CXCL13: variants seen among roughly 807,000 people sequenced by gnomAD.
CXCL13 encodes C-X-C motif chemokine ligand 13.
Under a neutral mutation model 12.2 loss-of-function variants are expected in CXCL13, and 7 were observed. That is an observed-to-expected ratio of 0.57 (90% confidence interval 0.33 to 1.07). The LOEUF (loss-of-function observed/expected upper bound fraction) is 1.07. CXCL13 is among the 50% of genes least tolerant of loss of function. The pLI, the probability that CXCL13 is intolerant of heterozygous loss-of-function variation, is 0.04. For missense variants in CXCL13, 113 were observed against 127.4 expected, an observed-to-expected ratio of 0.89 and a Z score of 0.55; for synonymous variants, 47 against 42.4, an observed-to-expected ratio of 1.11 and a Z score of -0.42.
chr4:77,582,176 C>T (rs1174753951), intron 1 of CXCL13, among the ~76,000 whole-genome samples: 10 of 152,148 alleles, frequency 6.6e-5, no homozygotes, highest in Non-Finnish European at 1.5e-5. Flanking sequence ...TTTTGTAGAT[C>T]TCCCTCAAGG....
chr4:77,563,924 T>C (rs1353710226), intron 1 of CXCL13, among the ~76,000 whole-genome samples: 1 of 152,210 alleles, frequency 6.6e-6, no homozygotes, highest in Non-Finnish European at 1.5e-5. Context: ...TCTCATCCTG[T>C]CTGTGGCATA....
intron 1 of CXCL13, among the ~76,000 whole-genome samples, chr4:77,581,660 C>A (rs1726336332): frequency 6.6e-6 from 1 of 152,130 alleles, no homozygotes; most frequent in Non-Finnish European, 1.5e-5. Context: ...GTATTAGGTG[C>A]CATGTACCTT....
At chr4:77,536,042 C>T (rs951786997) in intron 1 of CXCL13, among the ~76,000 whole-genome samples, 5 of 152,208 alleles carry the variant, frequency 3.3e-5, no homozygotes, top group African/African-American at 4.8e-5. Flanking sequence ...AACCTCACTC[C>T]CCTCCCTCTC....
intron 1 of CXCL13, among the ~76,000 whole-genome samples, chr4:77,519,360 A>G (rs1724516663): frequency 6.6e-6 from 1 of 151,782 alleles, no homozygotes; most frequent in African/African-American, 2.4e-5. Context: ...CTTCTGCGTC[A>G]CTCACGCTGG....
intron 1 of CXCL13, among the ~76,000 whole-genome samples, chr4:77,599,344 C>T (rs1726841326): frequency 6.6e-6 from 1 of 152,006 alleles, no homozygotes; most frequent in Non-Finnish European, 1.5e-5. Context: ...TAAATCATCT[C>T]TAGATTACTT....
chr4:77,586,820 T>C (rs1342758530), intron 1 of CXCL13, among the ~76,000 whole-genome samples: 1 of 152,186 alleles, frequency 6.6e-6, no homozygotes, highest in Non-Finnish European at 1.5e-5. Context: ...GGAAATTTTA[T>C]AGCAAAGGTT....
intron 1 of CXCL13, among the ~76,000 whole-genome samples, chr4:77,606,324 G>T (rs1277681436): frequency 6.6e-6 from 1 of 152,160 alleles, no homozygotes; most frequent in Non-Finnish European, 1.5e-5. Flanking sequence ...CTCTTGCAGT[G>T]AACATGCTTC....
chr4:77,587,429 G>A (rs1726499946), intron 1 of CXCL13, among the ~76,000 whole-genome samples: 1 of 152,186 alleles, frequency 6.6e-6, no homozygotes, highest in African/African-American at 2.4e-5. Context: ...TCACAGTCCA[G>A]CTAAGGAGAC....
At chr4:77,580,488 A>G (rs1204140973) in intron 1 of CXCL13, among the ~76,000 whole-genome samples, 6 of 150,338 alleles carry the variant, frequency 4.0e-5, no homozygotes, top group Non-Finnish European at 8.9e-5. Flanking sequence ...CACCACGCAC[A>G]GCTAATTTTT....
chr4:77,529,016 C>T (rs576830745), intron 1 of CXCL13, among the ~76,000 whole-genome samples: 4 of 152,286 alleles, frequency 2.6e-5, no homozygotes, highest in African/African-American at 9.6e-5. Flanking sequence ...GTTTTCCCAG[C>T]ACCATTTATT....
At chr4:77,570,804 C>G (rs1726055383) in intron 1 of CXCL13, among the ~76,000 whole-genome samples, 1 of 149,644 alleles carries the variant, frequency 6.7e-6, no homozygotes, top group Non-Finnish European at 1.5e-5. Context: ...GGCTTAGCAC[C>G]CGGGCCAGCA....
chr4:77,590,866 C>T (rs1412021954), intron 1 of CXCL13, among the ~76,000 whole-genome samples: 1 of 152,092 alleles, frequency 6.6e-6, no homozygotes. Context: ...AGAAATGTTA[C>T]CTGTCTCATA....
intron 1 of CXCL13, among the ~76,000 whole-genome samples, chr4:77,569,792 C>A (rs1726022824): frequency 1.3e-5 from 2 of 152,134 alleles, no homozygotes; most frequent in African/African-American, 4.8e-5. Flanking sequence ...TCATATGGAA[C>A]CAAAAAAAGA....
chr4:77,516,940 A>C (rs2110078053), intron 1 of CXCL13, among the ~76,000 whole-genome samples: 1 of 152,080 alleles, frequency 6.6e-6, no homozygotes, highest in Non-Finnish European at 1.5e-5. Flanking sequence ...TCTTGTGGGC[A>C]TTTAGTGCTA....
At chr4:77,525,928 T>A (rs200252302) in intron 1 of CXCL13, among the ~76,000 whole-genome samples, 2,217 of 151,606 alleles carry the variant, frequency 0.015, 104 homozygotes, top group East Asian at 0.14. Context: ...TTGTTTTTTT[T>A]TTATTATTTT....
At chr4:77,607,488 A>G in intron 1 of CXCL13, among the ~76,000 whole-genome samples, 1 of 152,194 alleles carries the variant, frequency 6.6e-6, no homozygotes, top group Admixed American at 6.5e-5. Flanking sequence ...TGCCTGGCCT[A>G]AAAGCTAACT....
At chr4:77,571,817 G>T (rs1726089648) in intron 1 of CXCL13, among the ~76,000 whole-genome samples, 1 of 151,706 alleles carries the variant, frequency 6.6e-6, no homozygotes, top group Admixed American at 6.6e-5. Context: ...CTTAGTCTTT[G>T]GGTCCACGCT....
At chr4:77,569,818 G>A (rs1416518193) in intron 1 of CXCL13, among the ~76,000 whole-genome samples, 1 of 152,040 alleles carries the variant, frequency 6.6e-6, no homozygotes, top group Non-Finnish European at 1.5e-5. Context: ...AATAGCCAAG[G>A]CAATCCTAAA....
At chr4:77,531,394 C>A (rs1332067175) in intron 1 of CXCL13, among the ~76,000 whole-genome samples, 1 of 149,774 alleles carries the variant, frequency 6.7e-6, no homozygotes, top group African/African-American at 2.5e-5. Flanking sequence ...AGTTTGATTG[C>A]ACTGTGGTCT....
Sources: allele counts gnomAD v4.1 joint callset (sites outside exome capture counted in the v4.1 genomes callset), GRCh38; gene constraint gnomAD v4.1.1; transcripts MANE v1.5; gene names NCBI Gene and HGNC (gene_info 2026-07-23, HGNC 2026-07-21).